RNF150: variants seen among roughly 807,000 people sequenced by gnomAD.
RNF150 encodes the protein ring finger protein 150.
Under a neutral mutation model 39.3 loss-of-function variants are expected in RNF150, and 24 were observed. The observed-to-expected ratio is 0.61, with a 90% CI of 0.44 to 0.86. The LOEUF is 0.86. Among genes scored for constraint, RNF150 ranks in the 40% least tolerant of loss-of-function variants. RNF150 has a pLI of 0.00. For synonymous variants in RNF150, 255 were observed against 227.3 expected, an observed-to-expected ratio of 1.12 and a Z score of -1.10; for missense variants, 502 against 587.8, an observed-to-expected ratio of 0.85 and a Z score of 1.51.
intron 2 of RNF150, among the ~76,000 whole-genome samples, chr4:140,953,084 G>A (rs1160619214): frequency 6.6e-6 from 1 of 152,158 alleles, no homozygotes; most frequent in Non-Finnish European, 1.5e-5. Flanking sequence ...AGTAAAAACA[G>A]GATATTATAA....
In RNF150 at chr4:141,141,995, T is replaced by A. The variant is rs1232971875; in HGVS notation, c.-6+70799A>T. 2.0e-5 allele frequency among the ~76,000 whole-genome samples: 3 copies of A among 152,088 alleles called. No homozygotes were observed. The East Asian group carries it at 5.8e-4, about 29-fold the overall frequency. On this transcript the variant is annotated intron_variant, in intron 1 of 7. Transcript: ENST00000420921. Reference sequence around the variant, plus strand: ...AGATGGCACCACTGAGCTGATCAGTTTTATTTTAAATTTATGATGTAAACT... The same window carrying A: ...AGATGGCACCACTGAGCTGATCAGTATTATTTTAAATTTATGATGTAAACT...
intron 1 of RNF150, among the ~76,000 whole-genome samples, chr4:141,203,321 G>T (rs1054876934): frequency 2.3e-4 from 34 of 147,456 alleles, no homozygotes; most frequent in Non-Finnish European, 2.5e-4. Flanking sequence ...TATAATCTTG[G>T]AGATGATATA....
intron 4 of RNF150, among the ~76,000 whole-genome samples, chr4:140,926,964 T>C (rs1177405253): frequency 1.3e-5 from 2 of 152,232 alleles, no homozygotes; most frequent in African/African-American, 4.8e-5. Context: ...ACTCTCTTTC[T>C]GTACTCCCTG....
At chr4:141,106,558 C>T (rs957445208) in intron 1 of RNF150, among the ~76,000 whole-genome samples, 1 of 151,980 alleles carries the variant, frequency 6.6e-6, no homozygotes, top group Admixed American at 6.6e-5. Flanking sequence ...TTTGGGAGGC[C>T]GAGGCAGGTG....
chr4:140,913,140 A>G (rs1730680181), intron 5 of RNF150, among the ~76,000 whole-genome samples: 1 of 152,138 alleles, frequency 6.6e-6, no homozygotes. Context: ...GCGCACCTGT[A>G]GTCCCAGCTA....
intron 1 of RNF150, among the ~76,000 whole-genome samples, chr4:141,041,758 G>C (rs10004747): frequency 1 from 152,231 of 152,232 alleles, 76,115 homozygotes; most frequent in Non-Finnish European, 1. Flanking sequence ...TGTAAAATAA[G>C]TGAATGTTTT....
chr4:141,148,724 C>T (rs1727244227), intron 1 of RNF150, among the ~76,000 whole-genome samples: 1 of 152,172 alleles, frequency 6.6e-6, no homozygotes. Context: ...TACAGGCGTG[C>T]ACCACCACGC....
At chr4:140,972,009 G>A (rs765666322) in intron 1 of RNF150, among the ~76,000 whole-genome samples, 6 of 151,092 alleles carry the variant, frequency 4.0e-5, no homozygotes, top group South Asian at 2.1e-4. Flanking sequence ...CTCACTGTTG[G>A]CCCTCTAGAA....
chr4:141,087,344 T>C (rs780546740), intron 1 of RNF150, among the ~76,000 whole-genome samples: 7 of 152,218 alleles, frequency 4.6e-5, no homozygotes, highest in Non-Finnish European at 1.0e-4. Context: ...TAATATTCCA[T>C]GGTGTATATA....
intron 6 of RNF150, among the ~76,000 whole-genome samples, chr4:140,890,220 G>T (rs925836687): frequency 6.6e-6 from 1 of 152,210 alleles, no homozygotes; most frequent in Non-Finnish European, 1.5e-5. Context: ...CTTGCTATTT[G>T]TGTTATCCTG....
At chr4:141,206,877 CT>C (rs1245650935) in intron 1 of RNF150, among the ~76,000 whole-genome samples, 2 of 151,964 alleles carry the variant, frequency 1.3e-5, no homozygotes, top group Admixed American at 1.3e-4. Context: ...GTAGTGCAGC[CT>C]TTAGTCTGTG....
At chr4:141,081,741 T>C (rs1738156406) in intron 1 of RNF150, among the ~76,000 whole-genome samples, 1 of 152,178 alleles carries the variant, frequency 6.6e-6, no homozygotes, top group African/African-American at 2.4e-5. Flanking sequence ...AATTAACTGA[T>C]AGATTTTTAA....
chr4:140,895,061 G>A, intron 6 of RNF150, among the ~76,000 whole-genome samples: 1 of 152,118 alleles, frequency 6.6e-6, no homozygotes, highest in East Asian at 1.9e-4. Context: ...TTACCTTTGT[G>A]GATCCTGTTC....
chr4:141,079,426 G>T (rs1344403952), intron 1 of RNF150, among the ~76,000 whole-genome samples: 1 of 152,070 alleles, frequency 6.6e-6, no homozygotes, highest in Non-Finnish European at 1.5e-5. Flanking sequence ...TGATCAATTG[G>T]TAGAGTAAGA....
At chr4:141,186,931 T>G (rs1728023402) in intron 1 of RNF150, among the ~76,000 whole-genome samples, 1 of 152,118 alleles carries the variant, frequency 6.6e-6, no homozygotes, top group South Asian at 2.1e-4. Context: ...CTCTAGTTCT[T>G]TTAGTTGTGA....
At chr4:141,010,558 A>G (rs571455076) in intron 1 of RNF150, among the ~76,000 whole-genome samples, 75 of 152,212 alleles carry the variant, frequency 4.9e-4, no homozygotes, top group African/African-American at 1.7e-3. Context: ...AATACTTTCT[A>G]TCTTCTTCTC....
chr4:141,109,537 A>C (rs1739319890), intron 1 of RNF150, among the ~76,000 whole-genome samples: 1 of 152,094 alleles, frequency 6.6e-6, no homozygotes, highest in Admixed American at 6.5e-5. Flanking sequence ...AATAAGGAAA[A>C]GGTTATATCC....
chr4:141,185,511 T>C lies in RNF150; in HGVS notation c.-6+27283A>G, dbSNP rs1403998629. On this transcript the variant is annotated intron_variant, in intron 1 of 7. Transcript: ENST00000420921. ...TTAACTTCCTCTCTTCCTATTTGAA[T>C]ATGCTTTATTTTTTTCTCTTGCCTC... 2.6e-5 allele frequency among the ~76,000 whole-genome samples: 4 copies of C among 152,210 alleles called. No homozygotes were observed. The East Asian group carries it at 7.7e-4, about 29-fold the overall frequency.
At chr4:140,972,007 T>C (rs968906403) in intron 1 of RNF150, among the ~76,000 whole-genome samples, 2 of 151,880 alleles carry the variant, frequency 1.3e-5, no homozygotes, top group Non-Finnish European at 2.9e-5. Flanking sequence ...GTCTCACTGT[T>C]GGCCCTCTAG....
Sources: allele counts gnomAD v4.1 joint callset (sites outside exome capture counted in the v4.1 genomes callset), GRCh38; gene constraint gnomAD v4.1.1; transcripts MANE v1.5; gene names NCBI Gene and HGNC (gene_info 2026-07-23, HGNC 2026-07-21).